The following ZRANB3 variants were observed in gnomAD, a reference collection of about 807,000 sequenced individuals.
The protein encoded by ZRANB3 is DNA annealing helicase and endonuclease ZRANB3.
A neutral mutation model predicts 133.8 loss-of-function variants in ZRANB3; 125 were observed. The ratio of observed to expected loss-of-function variants is 0.93; its 90% CI spans 0.81 to 1.08. The LOEUF (loss-of-function observed/expected upper bound fraction) is 1.08. ZRANB3 is among the 50% of genes least tolerant of loss of function. The pLI, the probability that ZRANB3 is intolerant of heterozygous loss-of-function variation, is 0.00. For missense variants in ZRANB3, 1,229 were observed against 1,275.5 expected, an observed-to-expected ratio of 0.96 and a Z score of 0.56; for synonymous variants, 387 against 432.7, an observed-to-expected ratio of 0.89 and a Z score of 1.31.
At chr2:135,426,476 T>C (rs753443622) in intron 2 of ZRANB3, among the ~76,000 whole-genome samples, 2 of 152,012 alleles carry the variant, frequency 1.3e-5, no homozygotes, top group Non-Finnish European at 1.5e-5. Context: ...CAGCAGCACA[T>C]CAAAAGCTAA....
intron 2 of ZRANB3, among the ~76,000 whole-genome samples, chr2:135,465,021 C>T (rs1193429419): frequency 1.3e-5 from 2 of 152,114 alleles, no homozygotes; most frequent in Non-Finnish European, 2.9e-5. Flanking sequence ...CGGTAGAAGG[C>T]ATTTCAGTCT....
intron 8 of ZRANB3, among the ~76,000 whole-genome samples, chr2:135,304,863 G>A (rs147190106): frequency 3.5e-4 from 54 of 152,196 alleles, no homozygotes; most frequent in African/African-American, 1.2e-3. Flanking sequence ...TATAGGGTCT[G>A]TAGTGACAGT....
chr2:135,367,328 C>T (rs1032676503), intron 3 of ZRANB3, among the ~76,000 whole-genome samples: 1 of 152,166 alleles, frequency 6.6e-6, no homozygotes, highest in African/African-American at 2.4e-5. Flanking sequence ...AGCCACGTCC[C>T]CGTGTAGACA....
intron 12 of ZRANB3, among the ~76,000 whole-genome samples, chr2:135,250,880 G>A (rs1679360958): frequency 6.6e-6 from 1 of 152,222 alleles, no homozygotes; most frequent in Non-Finnish European, 1.5e-5. Context: ...CTCACACAGA[G>A]TCCCTACTAG....
At chr2:135,451,389 C>T (rs538638419) in intron 2 of ZRANB3, among the ~76,000 whole-genome samples, 2 of 151,994 alleles carry the variant, frequency 1.3e-5, no homozygotes, top group South Asian at 2.1e-4. Context: ...TGGAGAAACC[C>T]CGTCTCTACT....
At chr2:135,455,171 CT>C (rs1166170814) in intron 2 of ZRANB3, among the ~76,000 whole-genome samples, 15 of 37,592 alleles carry the variant, frequency 4.0e-4, no homozygotes, top group Admixed American at 5.0e-4. Flanking sequence ...CCTTCTTATA[CT>C]TTTTTTTTTT....
rs527941340 is a variant in ZRANB3 at position 135,317,087 on chromosome 2, C to A, written c.678-1557G>T. Reference sequence around the variant, plus strand: ...AATTATACACATACCATTTAGTTGTCATCAATAAGAAATTTACTTGTTTAA... The same window carrying A: ...AATTATACACATACCATTTAGTTGTAATCAATAAGAAATTTACTTGTTTAA... On this transcript the variant is annotated intron_variant, in intron 6 of 20. Coordinates refer to ENST00000264159, the MANE Select transcript of ZRANB3 (RefSeq NM_032143.4). Among the ~76,000 whole-genome samples the A allele has an allele frequency of 4.0e-5, 6 of 150,806 alleles. No homozygotes were observed. In the East Asian group the frequency reaches 1.2e-3, roughly 29 times the overall value.
intron 1 of ZRANB3, among the ~76,000 whole-genome samples, chr2:135,525,524 G>A (rs1480445249): frequency 6.6e-6 from 1 of 152,148 alleles, no homozygotes; most frequent in African/African-American, 2.4e-5. Context: ...TTCAGCAATC[G>A]TACTTCTGGG....
chr2:135,530,041 C>T (rs571846327), intron 1 of ZRANB3, among the ~76,000 whole-genome samples: 2 of 151,348 alleles, frequency 1.3e-5, no homozygotes, highest in Non-Finnish European at 2.9e-5. Context: ...TCCTGGCCAA[C>T]ATGGTGAAAC....
intron 2 of ZRANB3, among the ~76,000 whole-genome samples, chr2:135,454,397 G>A (rs749103503): frequency 3.3e-4 from 50 of 151,472 alleles, no homozygotes; most frequent in Middle Eastern, 3.4e-3. Context: ...TAATTTATTG[G>A]GTCTCTCACT....
At chr2:135,380,957 A>T (rs1477018964) in intron 3 of ZRANB3, among the ~76,000 whole-genome samples, 1 of 152,148 alleles carries the variant, frequency 6.6e-6, no homozygotes, top group African/African-American at 2.4e-5. Flanking sequence ...CTGCATTTCC[A>T]ACTGAGGTAC....
intron 2 of ZRANB3, among the ~76,000 whole-genome samples, chr2:135,426,361 A>C (rs1689065714): frequency 6.6e-6 from 1 of 152,036 alleles, no homozygotes; most frequent in South Asian, 2.1e-4. Flanking sequence ...CTAATACCAA[A>C]ACCTGGCAGA....
At chr2:135,408,874 T>A (rs567701649) in intron 2 of ZRANB3, among the ~76,000 whole-genome samples, 1 of 152,004 alleles carries the variant, frequency 6.6e-6, no homozygotes, top group South Asian at 2.1e-4. Context: ...TATCTAATGT[T>A]AAATGACAAA....
chr2:135,219,632 T>C (rs912161235), intron 15 of ZRANB3, among the ~76,000 whole-genome samples: 11 of 152,188 alleles, frequency 7.2e-5, no homozygotes, highest in Admixed American at 3.9e-4. Flanking sequence ...CATCAAAGAA[T>C]GGTATCAAGG....
At chr2:135,246,314 C>T (rs1695800463) in intron 12 of ZRANB3, among the ~76,000 whole-genome samples, 1 of 152,080 alleles carries the variant, frequency 6.6e-6, no homozygotes, top group African/African-American at 2.4e-5. Context: ...AAACAAGATA[C>T]TAATTTGTAG....
At chr2:135,431,283 C>A (rs894437963) in intron 2 of ZRANB3, among the ~76,000 whole-genome samples, 5 of 150,956 alleles carry the variant, frequency 3.3e-5, no homozygotes, top group African/African-American at 1.2e-4. Flanking sequence ...TACAGTGAAA[C>A]CCTGTCTCAA....
intron 2 of ZRANB3, among the ~76,000 whole-genome samples, chr2:135,472,166 C>A (rs990013767): frequency 3.9e-4 from 60 of 152,306 alleles, no homozygotes; most frequent in African/African-American, 1.3e-3. Context: ...TGAATAATTT[C>A]TATCTTATAG....
At chr2:135,447,051 T>C (rs1690053747) in intron 2 of ZRANB3, among the ~76,000 whole-genome samples, 3 of 152,196 alleles carry the variant, frequency 2.0e-5, no homozygotes, top group African/African-American at 7.2e-5. Flanking sequence ...TTTTATTTTA[T>C]TTATTTTTTG....
chr2:135,342,055 C>G (rs182805489), intron 6 of ZRANB3, among the ~76,000 whole-genome samples: 2 of 149,910 alleles, frequency 1.3e-5, no homozygotes. Flanking sequence ...ACAGCCTATT[C>G]GTACACTCCC....
Sources: allele counts gnomAD v4.1 joint callset (sites outside exome capture counted in the v4.1 genomes callset), GRCh38; gene constraint gnomAD v4.1.1; transcripts MANE v1.5; gene names NCBI Gene and HGNC (gene_info 2026-07-23, HGNC 2026-07-21).